The following NEDD4 variants were observed in gnomAD, a reference collection of about 807,000 sequenced individuals.
NEDD4 encodes E3 ubiquitin-protein ligase NEDD4.
In NEDD4, 99 loss-of-function variants were observed where a neutral mutation model predicts 144.9. That is an observed-to-expected ratio of 0.68 (90% CI 0.58 to 0.81). NEDD4 has a LOEUF of 0.81. NEDD4 is among the 30% of genes least tolerant of loss of function. The probability of loss-of-function intolerance (pLI) is 0.00; values close to 1 mark genes in which losing one functional copy is unlikely to be tolerated. For synonymous variants in NEDD4, 318 were observed against 350.6 expected (o/e 0.91, Z 1.04); for missense variants, 985 against 1,065.9 (o/e 0.92, Z 1.06).
At chr15:55,894,984 CA>C (rs2035693760) in intron 5 of NEDD4, among the ~76,000 whole-genome samples, 1 of 152,088 alleles carries the variant, frequency 6.6e-6, no homozygotes, top group African/African-American at 2.4e-5. Flanking sequence ...GCATTTGTTT[CA>C]ACTTTCTTTC....
At chr15:55,841,788 G>C (rs1313822386) in intron 19 of NEDD4, 146 bp downstream of exon 19, 2 of 650,156 alleles carry the variant, frequency 3.1e-6, no homozygotes, top group African/African-American at 1.8e-5. Context: ...AGCTAGGATG[G>C]TCTCGATATC....
chr15:55,841,643 C>T (rs990170004), intron 19 of NEDD4, among the ~76,000 whole-genome samples: 3 of 152,158 alleles, frequency 2.0e-5, no homozygotes, highest in South Asian at 4.2e-4. Context: ...AGTGCAGTGG[C>T]GTGATCTCGG....
chr15:55,916,031 G>A, intron 5 of NEDD4: 1 of 1,613,898 alleles, frequency 6.2e-7, no homozygotes, highest in African/African-American at 1.3e-5. Context: ...TAGGAAAAAT[G>A]ACTAAGGAGG....
intron 5 of NEDD4, among the ~76,000 whole-genome samples, chr15:55,875,792 CGTATGT>C (rs1479832125): frequency 6.6e-6 from 1 of 151,664 alleles, no homozygotes; most frequent in Non-Finnish European, 1.5e-5. Context: ...AGCAGTCTGA[CGTATGT>C]GTAACTGGAG....
intron 4 of NEDD4, among the ~76,000 whole-genome samples, chr15:55,935,729 C>T (rs981687384): frequency 1.3e-5 from 2 of 151,532 alleles, no homozygotes; most frequent in Non-Finnish European, 2.9e-5. Context: ...CGCCTGTAGT[C>T]CCAGCTACTC....
Position 55,903,295 on chromosome 15 carries a change from C to A in NEDD4, c.291+21351G>T, listed in dbSNP as rs1595821046. 2.6e-5 allele frequency among the ~76,000 whole-genome samples: 4 copies of A among 152,142 alleles called. No homozygotes were observed. The South Asian group carries it at 8.3e-4, about 32-fold the overall frequency. On this transcript the variant is annotated intron_variant, in intron 5 of 28. Transcript: ENST00000435532. ...GATTCTCCCAGTGCCCGATGAGAGT[C>A]CTTTTGGCTAGTGGTAGTAGAAAGG... is the stretch of plus-strand genomic sequence containing the variant.
At chr15:55,861,184 T>C (rs1299280843) in intron 9 of NEDD4, among the ~76,000 whole-genome samples, 1 of 152,200 alleles carries the variant, frequency 6.6e-6, no homozygotes, top group Non-Finnish European at 1.5e-5. Context: ...GTGAATCAGA[T>C]AGTACATTTT....
Position 55,971,929 on chromosome 15 carries a change from G to A in NEDD4, c.46-5383C>T, listed in dbSNP as rs184843676. On this transcript the variant is annotated intron_variant, in intron 1 of 28. Coordinates refer to ENST00000435532, the MANE Select transcript of NEDD4 (RefSeq NM_006154.4). ...GCAGCTCCAATACATCTGGCAGCAG[G>A]TTTCTGAGTGGACACCTAATAGGCA... Among the ~76,000 whole-genome samples, 345 of 152,284 alleles carry A rather than the reference G, an allele frequency of 2.3e-3. 2 individuals are homozygous for A. The highest frequency in any genetic ancestry group is 3.8e-3 in the Non-Finnish European group (257 of 68,028).
At chr15:55,914,599 G>A (rs12592018) in intron 5 of NEDD4, among the ~76,000 whole-genome samples, 21,718 of 151,768 alleles carry the variant, frequency 0.14, 1,695 homozygotes, top group East Asian at 0.35. Context: ...ACATTTTAGA[G>A]GGCAGTATTA....
chr15:55,990,492 C>T (rs2037972017), intron 1 of NEDD4, among the ~76,000 whole-genome samples: 1 of 152,130 alleles, frequency 6.6e-6, no homozygotes, highest in Non-Finnish European at 1.5e-5. Flanking sequence ...GACTTCCTAT[C>T]AATATGTACA....
chr15:55,848,822 T>A lies in NEDD4; in HGVS notation c.1412A>T (p.Asp471Val). 6.2e-7 allele frequency: 1 copy of A among 1,613,656 alleles called. No individual in the cohort carries two copies. ...TACACTTACAGGTAAAGGCCCTAGATCATTGGAAGTATCAAGTGATGTCTT... is the reference window on the plus strand; with the variant it reads ...TACACTTACAGGTAAAGGCCCTAGAACATTGGAAGTATCAAGTGATGTCTT... ...RGKTSLDTSN[D>V]LGPLPPGWEE... is the part of the protein sequence containing the mutation. Residue 471 changes from aspartate (D) to valine (V), a missense_variant, in exon 15 of 29, where the codon GAT becomes GTT. Coordinates refer to ENST00000435532, the MANE Select transcript of NEDD4 (RefSeq NM_006154.4).
chr15:55,852,125 G>A (rs1385060742), intron 13 of NEDD4, among the ~76,000 whole-genome samples: 1 of 151,730 alleles, frequency 6.6e-6, no homozygotes, highest in Admixed American at 6.6e-5. Context: ...GTGAAACCCT[G>A]TCTCTACTAA....
intron 5 of NEDD4, among the ~76,000 whole-genome samples, chr15:55,884,924 A>G (rs1296841359): frequency 1.3e-5 from 2 of 152,194 alleles, no homozygotes; most frequent in Non-Finnish European, 2.9e-5. Context: ...AAACCTAGAG[A>G]AAGAGATCAA....
At chr15:55,945,748 G>C (rs545035812) in intron 4 of NEDD4, among the ~76,000 whole-genome samples, 5 of 151,594 alleles carry the variant, frequency 3.3e-5, no homozygotes, top group Admixed American at 3.3e-4. Context: ...AAATGTTAAG[G>C]GCGGCCACAG....
At chr15:55,939,370 C>A (rs1473736971) in intron 4 of NEDD4, among the ~76,000 whole-genome samples, 1 of 152,128 alleles carries the variant, frequency 6.6e-6, no homozygotes, top group Non-Finnish European at 1.5e-5. Flanking sequence ...GAGAAGGTGC[C>A]CGCTTCCTGT....
chr15:55,937,415 T>A (rs144380134), intron 4 of NEDD4, among the ~76,000 whole-genome samples: 1 of 152,324 alleles, frequency 6.6e-6, no homozygotes, highest in African/African-American at 2.4e-5. Context: ...TTTCACCGTA[T>A]GTTTTCAGTT....
chr15:55,917,216 TAACA>T, intron 5 of NEDD4: 1 of 939,734 alleles, frequency 1.1e-6, no homozygotes, highest in Admixed American at 5.3e-5. Flanking sequence ...AACAATCTTC[TAACA>T]TTTCAAGTTG....
At chr15:55,929,754 G>A (rs540776736) in intron 4 of NEDD4, among the ~76,000 whole-genome samples, 32 of 152,170 alleles carry the variant, frequency 2.1e-4, no homozygotes, top group South Asian at 4.2e-4. Flanking sequence ...GATCACGAAC[G>A]TACAAATTAG....
chr15:55,992,734 T>C (rs1264883869), intron 1 of NEDD4, among the ~76,000 whole-genome samples: 4 of 152,234 alleles, frequency 2.6e-5, no homozygotes, highest in Admixed American at 6.5e-5. Context: ...TTAATAAGCA[T>C]AGGCATAATC....
Sources: allele counts gnomAD v4.1 joint callset (sites outside exome capture counted in the v4.1 genomes callset), GRCh38; gene constraint gnomAD v4.1.1; transcripts MANE v1.5; gene names NCBI Gene and HGNC (gene_info 2026-07-23, HGNC 2026-07-21).